DEUP1: variants seen among roughly 807,000 people sequenced by gnomAD.
DEUP1 encodes the protein coiled-coil domain containing 67.
DEUP1 carries 82 observed loss-of-function variants against 87.4 expected under a neutral mutation model. The ratio of observed to expected loss-of-function variants is 0.94; its 90% CI spans 0.78 to 1.13. The LOEUF (loss-of-function observed/expected upper bound fraction) is 1.13. Ranked by LOEUF, DEUP1 falls within the 50% of genes most tolerant of loss-of-function variation. The pLI is 0.00. For synonymous variants in DEUP1, 214 were observed against 222.7 expected (o/e 0.96, Z 0.35); for missense variants, 663 against 681.5 (o/e 0.97, Z 0.30).
chr11:93,381,582 C>T (rs1946306491), intron 7 of DEUP1, among the ~76,000 whole-genome samples: 1 of 152,100 alleles, frequency 6.6e-6, no homozygotes, highest in South Asian at 2.1e-4. Context: ...CTACACTCTA[C>T]ATGTTTTTTA....
rs2134212365 is a variant in DEUP1, at chr11:93,355,314, T to G, written c.30-57T>G. On this transcript the variant is annotated intron_variant, in intron 2 of 13. Transcript: ENST00000298050. ...GCTATGCAGAGCAATGTAATAATTT[T>G]TTTTGCCCTCACATTTCACTACTTT... 25 of 1,488,796 alleles carry G rather than the reference T, an allele frequency of 1.7e-5. No individual in the cohort carries two copies. In the South Asian group the frequency reaches 2.9e-4, roughly 17 times the overall value. 92.2% of individuals were successfully genotyped at this position (1,488,796 alleles called of 1,614,324 possible).
intron 4 of DEUP1, among the ~76,000 whole-genome samples, chr11:93,362,587 A>G (rs1036482263): frequency 1.3e-5 from 2 of 151,874 alleles, no homozygotes; most frequent in Non-Finnish European, 2.9e-5. Flanking sequence ...TTGTAACCCA[A>G]TGTATTGTGA....
chr11:93,436,013 A>T (rs1805280), intron 13 of DEUP1, among the ~76,000 whole-genome samples: 36,697 of 130,406 alleles, frequency 0.28, 5,117 homozygotes, highest in Admixed American at 0.4. Context: ...AAAAAAAAAA[A>T]TTTTTTCTGT....
chr11:93,352,218 A>T, intron 2 of DEUP1: 1 of 597,722 alleles, frequency 1.7e-6, no homozygotes, highest in Non-Finnish European at 3.0e-6. Context: ...CAGCCACACA[A>T]ATACATTAGA....
intron 2 of DEUP1, among the ~76,000 whole-genome samples, chr11:93,351,091 A>G (rs1312211166): frequency 6.7e-6 from 1 of 149,926 alleles, no homozygotes; most frequent in African/African-American, 2.4e-5. Flanking sequence ...TATATATGTA[A>G]AAAATATATA....
At chr11:93,361,465 T>C (rs922415597) in intron 4 of DEUP1, among the ~76,000 whole-genome samples, 2 of 152,078 alleles carry the variant, frequency 1.3e-5, no homozygotes, top group African/African-American at 2.4e-5. Flanking sequence ...TTTCAGTATA[T>C]GTACAGGAAA....
intron 11 of DEUP1, among the ~76,000 whole-genome samples, chr11:93,406,678 A>C (rs189574863): frequency 6.6e-6 from 1 of 152,020 alleles, no homozygotes; most frequent in Non-Finnish European, 1.5e-5. Flanking sequence ...TAAAACTTAA[A>C]ATCACATGGA....
chr11:93,392,356 A>G (rs1946790189), intron 9 of DEUP1, among the ~76,000 whole-genome samples: 2 of 152,240 alleles, frequency 1.3e-5, no homozygotes, highest in Admixed American at 6.5e-5. Context: ...CTTTCACAAG[A>G]AATGTGATGT....
intron 9 of DEUP1, among the ~76,000 whole-genome samples, chr11:93,393,060 C>T (rs1308932103): frequency 6.9e-6 from 1 of 144,736 alleles, no homozygotes; most frequent in Non-Finnish European, 1.5e-5. Flanking sequence ...TCTCCTCCTC[C>T]TCCTCCTTCT....
chr11:93,350,677 C>T (rs11020278), intron 2 of DEUP1, among the ~76,000 whole-genome samples: 23,537 of 151,836 alleles, frequency 0.16, 1,978 homozygotes, highest in South Asian at 0.25. Context: ...GGGCAAGGTG[C>T]GGTGGCTCAC....
intron 13 of DEUP1, among the ~76,000 whole-genome samples, chr11:93,418,472 C>G (rs1565348597): frequency 1.3e-5 from 2 of 152,124 alleles, no homozygotes; most frequent in African/African-American, 4.8e-5. Flanking sequence ...CAAATCAAAA[C>G]CACAATGCGA....
At chr11:93,406,960 A>G (rs532574784) in intron 11 of DEUP1, among the ~76,000 whole-genome samples, 2 of 152,212 alleles carry the variant, frequency 1.3e-5, no homozygotes, top group Non-Finnish European at 2.9e-5. Flanking sequence ...CAAGTTGGCA[A>G]ATTTAACGAA....
intron 9 of DEUP1, among the ~76,000 whole-genome samples, chr11:93,392,384 A>C (rs1267654541): frequency 6.6e-6 from 1 of 152,198 alleles, no homozygotes; most frequent in Non-Finnish European, 1.5e-5. Context: ...TATGCACCTT[A>C]ATTTTCTAAT....
At chr11:93,413,389 C>T (rs1485942237) in intron 12 of DEUP1, among the ~76,000 whole-genome samples, 1 of 152,032 alleles carries the variant, frequency 6.6e-6, no homozygotes, top group Non-Finnish European at 1.5e-5. Context: ...CTACAGGCGC[C>T]CGCCATCACG....
intron 11 of DEUP1, 76 bp downstream of exon 11, chr11:93,396,401 A>G: frequency 1.2e-6 from 1 of 866,938 alleles, no homozygotes. Context: ...GACATCATTT[A>G]TTGAGCACTT....
At chr11:93,420,348 T>C (rs1433034392) in intron 13 of DEUP1, among the ~76,000 whole-genome samples, 1 of 152,156 alleles carries the variant, frequency 6.6e-6, no homozygotes, top group African/African-American at 2.4e-5. Context: ...GAAAAGGCCT[T>C]TGACAAAATT....
chr11:93,430,501 A>G (rs1365697864), intron 13 of DEUP1, among the ~76,000 whole-genome samples: 1 of 152,230 alleles, frequency 6.6e-6, no homozygotes, highest in Non-Finnish European at 1.5e-5. Flanking sequence ...GCTATATTGT[A>G]TAATTCCATG....
At chr11:93,432,528 C>T (rs1412080449) in intron 13 of DEUP1, among the ~76,000 whole-genome samples, 1 of 152,194 alleles carries the variant, frequency 6.6e-6, no homozygotes, top group South Asian at 2.1e-4. Context: ...TTACCCCCAA[C>T]CTGTTGGCTC....
intron 7 of DEUP1, 107 bp from the exon 8 acceptor site, chr11:93,385,291 C>T (rs1946487030): frequency 1.0e-6 from 1 of 970,382 alleles, no homozygotes; most frequent in Non-Finnish European, 1.6e-6. Flanking sequence ...GACTAAATAT[C>T]AGTTTGTTTA....
Sources: gnomAD v4.1 joint callset for allele counts (sites outside exome capture counted in the v4.1 genomes callset) on GRCh38, gnomAD v4.1.1 for gene constraint, MANE v1.5 for transcripts, NCBI Gene and HGNC (gene_info 2026-07-23, HGNC 2026-07-21) for gene names.